CHRM2: variants seen among roughly 807,000 people sequenced by gnomAD.
CHRM2 encodes muscarinic acetylcholine receptor M2.
In CHRM2, 8 loss-of-function variants were observed where a neutral mutation model predicts 25.0. The observed-to-expected ratio is 0.32, with a 90% CI of 0.19 to 0.58. The LOEUF (loss-of-function observed/expected upper bound fraction) is 0.58, where lower values mean the gene tolerates loss of function less well. Ranked by LOEUF, CHRM2 falls within the 20% of genes least tolerant of loss-of-function variation. The pLI is 0.88. For missense variants in CHRM2, 440 were observed against 567.1 expected (o/e 0.78, Z 2.28); for synonymous variants, 202 against 205.7 (o/e 0.98, Z 0.15).
intron 2 of CHRM2, among the ~76,000 whole-genome samples, chr7:136,959,557 T>TAC (rs1800938542): frequency 6.6e-6 from 1 of 152,216 alleles, no homozygotes; most frequent in Non-Finnish European, 1.5e-5. Context: ...AACCAAACTC[T>TAC]ACATTTTTCC....
At chr7:136,892,013 A>T (rs970610543) in intron 2 of CHRM2, among the ~76,000 whole-genome samples, 1 of 152,162 alleles carries the variant, frequency 6.6e-6, no homozygotes, top group Non-Finnish European at 1.5e-5. Context: ...CAGCTGTCTA[A>T]TTTACCCCTG....
chr7:136,873,867 G>C (rs538240499), intron 2 of CHRM2, among the ~76,000 whole-genome samples: 46 of 152,222 alleles, frequency 3.0e-4, no homozygotes, highest in Non-Finnish European at 6.0e-4. Flanking sequence ...GCACGTGCTT[G>C]TCTTGTTTAG....
At chr7:136,941,313 G>A (rs748433678) in intron 2 of CHRM2, among the ~76,000 whole-genome samples, 2 of 151,998 alleles carry the variant, frequency 1.3e-5, no homozygotes, top group African/African-American at 4.8e-5. Flanking sequence ...ATTACTTTTA[G>A]AACCAAAAGG....
chr7:136,977,287 A>T (rs1584863269), intron 2 of CHRM2, among the ~76,000 whole-genome samples: 1 of 152,190 alleles, frequency 6.6e-6, no homozygotes, highest in East Asian at 1.9e-4. Flanking sequence ...CTAATGGTAC[A>T]GGAAGCTGTG....
At chr7:136,888,387 G>T (rs1410577098) in intron 2 of CHRM2, among the ~76,000 whole-genome samples, 2 of 152,300 alleles carry the variant, frequency 1.3e-5, no homozygotes, top group South Asian at 2.1e-4. Context: ...TTTAATCCTT[G>T]CTTCAGCCTA....
rs148412233 is a variant in CHRM2 at position 136,918,519 on chromosome 7, C to T, written c.-125+49101C>T. Among the ~76,000 whole-genome samples the T allele has an allele frequency of 6.4e-3, 977 of 152,140 alleles. 6 individuals are homozygous for T. The highest frequency in any genetic ancestry group is 0.022 in the African/African-American group (930 of 41,524). Reference sequence around the variant, plus strand: ...GTTGCTACCCTCAGAATTTCATGCTCGTAAAGTGGCTCATAACCATTTGCT... The same window carrying T: ...GTTGCTACCCTCAGAATTTCATGCTTGTAAAGTGGCTCATAACCATTTGCT... On this transcript the variant is annotated intron_variant, in intron 2 of 3. Transcript: ENST00000680005.
chr7:136,875,339 A>G (rs763760821), intron 2 of CHRM2, among the ~76,000 whole-genome samples: 5 of 152,106 alleles, frequency 3.3e-5, no homozygotes, highest in Non-Finnish European at 7.4e-5. Flanking sequence ...GCACATTTTT[A>G]TTAATCCCTA....
At chr7:136,914,865 T>G (rs962909981) in intron 2 of CHRM2, among the ~76,000 whole-genome samples, 3 of 151,994 alleles carry the variant, frequency 2.0e-5, no homozygotes, top group Non-Finnish European at 4.4e-5. Context: ...TAGACTCTGC[T>G]GAGTGAATGG....
At chr7:136,949,809 G>A (rs539567563) in intron 2 of CHRM2, among the ~76,000 whole-genome samples, 55 of 151,438 alleles carry the variant, frequency 3.6e-4, no homozygotes, top group Middle Eastern at 6.8e-3. Context: ...GCGCGATCTC[G>A]GCTCACTGCA....
At chr7:136,953,603 G>A (rs1053965511) in intron 2 of CHRM2, among the ~76,000 whole-genome samples, 2 of 151,946 alleles carry the variant, frequency 1.3e-5, no homozygotes, top group East Asian at 3.9e-4. Flanking sequence ...GCATTCTACT[G>A]ACAGGCAGTG....
At chr7:136,898,537 G>A (rs1304111188) in intron 2 of CHRM2, among the ~76,000 whole-genome samples, 1 of 150,006 alleles carries the variant, frequency 6.7e-6, no homozygotes, top group Admixed American at 6.7e-5. Context: ...GTGTGTGTCT[G>A]TGTGTGTTTA....
At chr7:136,974,852 C>G (rs1248164546) in intron 2 of CHRM2, among the ~76,000 whole-genome samples, 1 of 152,074 alleles carries the variant, frequency 6.6e-6, no homozygotes, top group African/African-American at 2.4e-5. Flanking sequence ...GTGACTAAAG[C>G]CAGGGAGACC....
At position 137,016,362 on chromosome 7, in the gene CHRM2, T is replaced by G; in HGVS notation, c.*96T>G. ...AGTTTTAAAATCTCTGCCATTGCAC[T>G]TTATAGTCTGATTACAAAACGTGCA... is the stretch of plus-strand genomic sequence containing the variant. On this transcript the variant is annotated 3_prime_UTR_variant, in exon 4 of 4. Coordinates refer to ENST00000680005, the MANE Select transcript of CHRM2 (RefSeq NM_001006630.2). 1 of 1,251,426 alleles carries G rather than the reference T, an allele frequency of 8.0e-7. No individual in the cohort carries two copies. The highest frequency in any genetic ancestry group is 1.3e-5 in the South Asian group (1 of 79,814). 77.5% of individuals were successfully genotyped at this position (1,251,426 alleles called of 1,614,324 possible).
At chr7:136,953,743 A>C (rs552359858) in intron 2 of CHRM2, among the ~76,000 whole-genome samples, 1,676 of 146,112 alleles carry the variant, frequency 0.011, 20 homozygotes, top group Non-Finnish European at 0.019. Context: ...AAAAAAAAAA[A>C]CAAATATATT....
chr7:136,962,666 C>G (rs1017558622), intron 2 of CHRM2, among the ~76,000 whole-genome samples: 11 of 152,136 alleles, frequency 7.2e-5, no homozygotes, highest in African/African-American at 2.7e-4. Context: ...GTTTAAAAAA[C>G]AAAAACCCAG....
At chr7:137,005,725 A>G (rs2131086781) in intron 3 of CHRM2, among the ~76,000 whole-genome samples, 1 of 152,114 alleles carries the variant, frequency 6.6e-6, no homozygotes, top group East Asian at 1.9e-4. Flanking sequence ...CTCTAGAACA[A>G]CTGCTTTTAT....
intron 2 of CHRM2, among the ~76,000 whole-genome samples, chr7:136,933,049 C>A (rs7795766): frequency 0.32 from 38,263 of 120,282 alleles, 7,031 homozygotes; most frequent in African/African-American, 0.54. Flanking sequence ...TAAATAAATA[C>A]ATAAATAAAT....
chr7:136,872,919 A>G (rs1463317248), intron 2 of CHRM2, among the ~76,000 whole-genome samples: 3 of 152,194 alleles, frequency 2.0e-5, no homozygotes, highest in South Asian at 2.1e-4. Context: ...CCTTTCTATT[A>G]TCTTCACAAG....
chr7:137,019,315 A>G lies in CHRM2; in HGVS notation c.*3049A>G, dbSNP rs889218260. ...CAGTCACAGATTGGGAACTCAGGCC[A>G]CATCTACATATCAAAAATCACCAGA... On this transcript the variant is annotated 3_prime_UTR_variant, in exon 4 of 4. Transcript: ENST00000680005. 1.3e-5 allele frequency: 2 copies of G among 151,892 alleles called. No individual in the cohort carries two copies. The highest frequency in any genetic ancestry group is 2.9e-5 in the Non-Finnish European group (2 of 67,900). The allele number at this position is 151,892 out of a possible 1,614,324, so 9.4% of individuals were successfully genotyped here.
Sources: gnomAD v4.1 joint callset for allele counts (sites outside exome capture counted in the v4.1 genomes callset) on GRCh38, gnomAD v4.1.1 for gene constraint, MANE v1.5 for transcripts, NCBI Gene and HGNC (gene_info 2026-07-23, HGNC 2026-07-21) for gene names.